The following COL14A1 variants were observed in gnomAD, a reference collection of about 807,000 sequenced individuals.
The protein encoded by COL14A1 is collagen alpha-1(XIV) chain.
A neutral mutation model predicts 230.3 loss-of-function variants in COL14A1; 136 were observed. That is an observed-to-expected ratio of 0.59 (90% CI 0.51 to 0.68). The LOEUF (loss-of-function observed/expected upper bound fraction) is 0.68. Ranked by LOEUF, COL14A1 falls within the 30% of genes least tolerant of loss-of-function variation. The pLI is 0.00. For synonymous variants in COL14A1, 792 were observed against 784.1 expected, an observed-to-expected ratio of 1.01 and a Z score of -0.17; for missense variants, 1,976 against 2,215.8, an observed-to-expected ratio of 0.89 and a Z score of 2.17.
chr8:120,138,805 C>T (rs1814796269), intron 1 of COL14A1, among the ~76,000 whole-genome samples: 1 of 152,102 alleles, frequency 6.6e-6, no homozygotes, highest in Non-Finnish European at 1.5e-5. Flanking sequence ...CTGGATGATA[C>T]ATTAAGCCTA....
At chr8:120,164,358 G>C (rs1815792237) in intron 4 of COL14A1, among the ~76,000 whole-genome samples, 1 of 152,044 alleles carries the variant, frequency 6.6e-6, no homozygotes, top group Non-Finnish European at 1.5e-5. Context: ...GTGAGGTGGT[G>C]GGTATGGAAC....
intron 20 of COL14A1, among the ~76,000 whole-genome samples, chr8:120,244,567 C>T (rs960225288): frequency 6.6e-6 from 1 of 152,134 alleles, no homozygotes; most frequent in East Asian, 1.9e-4. Context: ...TCCCCAAAGT[C>T]CATTGTATCC....
rs1454438641 is a variant in COL14A1, at chr8:120,315,938, A to C, written c.4606-6A>C. 6.2e-7 allele frequency: 1 copy of C among 1,613,572 alleles called. No homozygotes were observed. The highest frequency in any genetic ancestry group is 2.2e-5 in the East Asian group (1 of 44,860). On this transcript the variant is annotated splice_polypyrimidine_tract_variant and splice_region_variant and intron_variant, in intron 39 of 47. Transcript: ENST00000297848. ...CCTGACTCTTTTTTGTCCCTGTTCT[A>C]CACAGGGTATCCCAGGAGGCGTTGG...
At chr8:120,337,401 T>TAAAAAAAAAAAAAAAAGAAAAA (rs1822117639) in intron 42 of COL14A1, among the ~76,000 whole-genome samples, 2 of 129,452 alleles carry the variant, frequency 1.5e-5, no homozygotes, top group Non-Finnish European at 3.2e-5. Context: ...GTCTCAAAAT[T>TAAAAAAAAAAAAAAAAGAAAAA]AAAAAAAAAA....
intron 37 of COL14A1, among the ~76,000 whole-genome samples, 178 bp from the exon 38 acceptor site, chr8:120,313,754 T>A (rs975763770): frequency 3.3e-5 from 5 of 152,252 alleles, no homozygotes; most frequent in South Asian, 2.1e-4. Context: ...GGTTTACTGA[T>A]GACATTTTGC....
intron 45 of COL14A1, among the ~76,000 whole-genome samples, chr8:120,366,548 GT>G (rs1823411813): frequency 6.6e-6 from 1 of 152,178 alleles, no homozygotes; most frequent in Non-Finnish European, 1.5e-5. Context: ...CAGAGTATAT[GT>G]TTCTTTGTTG....
chr8:120,241,199 G>T (rs1818598074), intron 19 of COL14A1, among the ~76,000 whole-genome samples: 1 of 152,182 alleles, frequency 6.6e-6, no homozygotes, highest in Non-Finnish European at 1.5e-5. Flanking sequence ...GCAACAACCT[G>T]AGAACATGAT....
chr8:120,175,382 CT>C (rs942146081), intron 5 of COL14A1, among the ~76,000 whole-genome samples: 1 of 151,920 alleles, frequency 6.6e-6, no homozygotes, highest in Non-Finnish European at 1.5e-5. Flanking sequence ...CAGCATAGGG[CT>C]TTTTTTTCCT....
At chr8:120,141,939 C>T (rs544347512) in intron 1 of COL14A1, among the ~76,000 whole-genome samples, 1 of 152,184 alleles carries the variant, frequency 6.6e-6, no homozygotes, top group Admixed American at 6.5e-5. Context: ...CACTGAGTTG[C>T]TCAGGCTGGT....
chr8:120,149,872 T>G (rs1287801395), intron 2 of COL14A1, among the ~76,000 whole-genome samples: 1 of 152,052 alleles, frequency 6.6e-6, no homozygotes, highest in Non-Finnish European at 1.5e-5. Flanking sequence ...TTTTGTGTTT[T>G]TAGTAGAGAG....
rs377592211 is a variant in COL14A1, at chr8:120,189,233, T to C, written c.437-7558T>C. On this transcript the variant is annotated intron_variant, in intron 5 of 47. Coordinates refer to ENST00000297848, the MANE Select transcript of COL14A1 (RefSeq NM_021110.4). Reference sequence around the variant, plus strand: ...GCAAACCTGTTGATGGGACAAACATTGTACATGTGTACCTTATGATGGAAA... The same window carrying C: ...GCAAACCTGTTGATGGGACAAACATCGTACATGTGTACCTTATGATGGAAA... 1.2e-4 allele frequency among the ~76,000 whole-genome samples: 18 copies of C among 152,344 alleles called. No homozygotes were observed. The East Asian group carries it at 3.1e-3, about 26-fold the overall frequency.
chr8:120,275,061 T>A (rs1345299099), intron 26 of COL14A1, among the ~76,000 whole-genome samples: 1 of 151,054 alleles, frequency 6.6e-6, no homozygotes, highest in East Asian at 1.9e-4. Context: ...AAGAAAAAAA[T>A]CTGGAGGCAT....
At chr8:120,303,826 T>C (rs1294981718) in intron 36 of COL14A1, among the ~76,000 whole-genome samples, 1 of 152,178 alleles carries the variant, frequency 6.6e-6, no homozygotes, top group Non-Finnish European at 1.5e-5. Flanking sequence ...CCAGCTCTTC[T>C]TTGTACATCT....
chr8:120,285,172 G>A (rs747098596), intron 32 of COL14A1, among the ~76,000 whole-genome samples: 8 of 151,120 alleles, frequency 5.3e-5, no homozygotes, highest in African/African-American at 7.3e-5. Flanking sequence ...ACAAAGGGCC[G>A]GCCAGGCACG....
At position 120,212,448 on chromosome 8, in the gene COL14A1, A is replaced by G. The variant is rs768639151; in HGVS notation, c.1468A>G (p.Met490Val). 1.2e-6 allele frequency: 2 copies of G among 1,613,032 alleles called. No homozygotes were observed. The highest frequency in any genetic ancestry group is 1.7e-6 in the Non-Finnish European group (2 of 1,179,284). Residue 490 changes from methionine (M) to valine (V), a missense_variant and splice_region_variant, in exon 13 of 48, where the codon ATG (methionine) becomes GTG (valine). Around this residue, in one of 3 missense-constraint regions of COL14A1, gnomAD observed 1,791 missense variants for 2,019.5 expected, o/e 0.89. Transcript: ENST00000297848. ...TEGLAGDEKEMKIGETHTDIE... is the reference protein window; with the variant it reads ...TEGLAGDEKEVKIGETHTDIE... ...ATCTAACAACATGTGTTCTTTTCAGATGAAAATTGGAGAGACCCACACAGA... is the reference window on the plus strand; with the variant it reads ...ATCTAACAACATGTGTTCTTTTCAGGTGAAAATTGGAGAGACCCACACAGA...
At chr8:120,238,730 G>A (rs1818528072) in intron 19 of COL14A1, among the ~76,000 whole-genome samples, 1 of 152,180 alleles carries the variant, frequency 6.6e-6, no homozygotes, top group South Asian at 2.1e-4. Flanking sequence ...CCAGGGCCCT[G>A]GTGGTATAGG....
Position 120,297,585 on chromosome 8 carries a change from C to A in COL14A1, c.4311C>A (p.Gly1437=). 1 of 1,385,094 alleles carries A rather than the reference C, an allele frequency of 7.2e-7. No individual in the cohort carries two copies. Among genetic ancestry groups the A allele is most frequent in the South Asian group, 2.2e-5 (1 of 45,362 alleles). 85.8% of individuals were successfully genotyped at this position (1,385,094 alleles called of 1,614,324 possible). ...ANTDKCCELP[G]LRDDESCPDL... Reference sequence around the variant, plus strand: ...CAGACAAATGCTGTGAACTTCCAGGCCTGGTAAGAATTCTTCCTTCATTTC... The same window carrying A: ...CAGACAAATGCTGTGAACTTCCAGGACTGGTAAGAATTCTTCCTTCATTTC... Residue 1437 remains glycine, a synonymous_variant, in exon 35 of 48, where the codon GGC becomes GGA. Coordinates refer to ENST00000297848, the MANE Select transcript of COL14A1 (RefSeq NM_021110.4).
chr8:120,293,454 C>G (rs1356207287), intron 34 of COL14A1, among the ~76,000 whole-genome samples: 5 of 132,352 alleles, frequency 3.8e-5, no homozygotes, highest in Non-Finnish European at 6.5e-5. Context: ...CTGCTAGGAG[C>G]TAGGCAGTGT....
intron 5 of COL14A1, among the ~76,000 whole-genome samples, chr8:120,174,958 C>T (rs1816228778): frequency 6.6e-6 from 1 of 152,178 alleles, no homozygotes; most frequent in African/African-American, 2.4e-5. Context: ...TAAGCCCCTC[C>T]TCCAAGTCGT....
Sources: gnomAD v4.1 joint callset for allele counts (sites outside exome capture counted in the v4.1 genomes callset) on GRCh38, gnomAD v4.1.1 for gene constraint, gnomAD v4.1.1 regional missense constraint, MANE v1.5 for transcripts, NCBI Gene and HGNC (gene_info 2026-07-23, HGNC 2026-07-21) for gene names.